The following OR51B5 variants were observed in gnomAD, a reference collection of about 807,000 sequenced individuals.
OR51B5 encodes olfactory receptor 51B5.
For synonymous variants in OR51B5, 186 were observed against 144.8 expected (o/e 1.28, Z -2.04); for missense variants, 456 against 374.6 (o/e 1.22, Z -1.79).
intron 1 of OR51B5, among the ~76,000 whole-genome samples, chr11:5,386,187 G>A (rs549072106): frequency 1.3e-5 from 2 of 152,154 alleles, no homozygotes; most frequent in African/African-American, 4.8e-5. Flanking sequence ...AATAAATATA[G>A]AAGAATAAAA....
intron 1 of OR51B5, among the ~76,000 whole-genome samples, chr11:5,472,970 A>G (rs145145737): frequency 6.8e-4 from 103 of 152,114 alleles, no homozygotes; most frequent in Admixed American, 1.2e-3. Flanking sequence ...ATTAGGAGAA[A>G]CTCCTCAGTT....
At chr11:5,371,938 T>C (rs1308635399) in intron 1 of OR51B5, among the ~76,000 whole-genome samples, 1 of 152,160 alleles carries the variant, frequency 6.6e-6, no homozygotes, top group Admixed American at 6.5e-5. Context: ...TTACACTGTT[T>C]CTATGCATTT....
chr11:5,350,704 C>T (rs954317118), intron 1 of OR51B5, among the ~76,000 whole-genome samples: 2 of 152,162 alleles, frequency 1.3e-5, no homozygotes, highest in African/African-American at 2.4e-5. Context: ...CCTTCAAAAG[C>T]TTATCATCAA....
upstream of OR51B5, among the ~76,000 whole-genome samples, chr11:5,345,551 C>A (rs1848977757): frequency 6.6e-6 from 1 of 152,104 alleles, no homozygotes. Flanking sequence ...GAGGGGGATA[C>A]ATATTCACTT....
chr11:5,368,808 C>CT (rs971240020), intron 1 of OR51B5, among the ~76,000 whole-genome samples: 1 of 152,104 alleles, frequency 6.6e-6, no homozygotes, highest in Non-Finnish European at 1.5e-5. Context: ...GATGGCTTTT[C>CT]TTTTTTTCCC....
chr11:5,475,644 A>G (rs1281664686), intron 1 of OR51B5, among the ~76,000 whole-genome samples: 1 of 152,216 alleles, frequency 6.6e-6, no homozygotes, highest in African/African-American at 2.4e-5. Context: ...TCTAACATAA[A>G]TGGAAAAGTA....
chr11:5,477,215 G>A (rs1360583085), intron 1 of OR51B5, among the ~76,000 whole-genome samples: 2 of 152,096 alleles, frequency 1.3e-5, no homozygotes, highest in African/African-American at 4.8e-5. Flanking sequence ...AGTCTCTTGG[G>A]GGCCCCATGA....
At chr11:5,467,624 T>G (rs990317987) in intron 1 of OR51B5, among the ~76,000 whole-genome samples, 2 of 152,232 alleles carry the variant, frequency 1.3e-5, no homozygotes, top group Non-Finnish European at 2.9e-5. Flanking sequence ...TTGGCATGGT[T>G]TTTCAGAGGA....
chr11:5,385,820 A>ACTT (rs1849683486), intron 1 of OR51B5, among the ~76,000 whole-genome samples: 1 of 149,052 alleles, frequency 6.7e-6, no homozygotes, highest in South Asian at 2.1e-4. Flanking sequence ...TATAAAGTAT[A>ACTT]TAAAGAATAT....
chr11:5,466,298 A>G (rs1851138019), intron 1 of OR51B5, among the ~76,000 whole-genome samples: 1 of 152,218 alleles, frequency 6.6e-6, no homozygotes, highest in African/African-American at 2.4e-5. Context: ...TAGTAAAACT[A>G]TATCTATATT....
chr11:5,389,567 A>G, intron 1 of OR51B5: 1 of 1,613,866 alleles, frequency 6.2e-7, no homozygotes, highest in Non-Finnish European at 8.5e-7. Flanking sequence ...CAATTGTTTC[A>G]TTCTGATCAT....
intron 1 of OR51B5, chr11:5,431,268 C>T (rs570957765): frequency 2.7e-4 from 84 of 316,536 alleles, no homozygotes; most frequent in African/African-American, 1.8e-3. Flanking sequence ...CCCCTGACTC[C>T]ATGCAGGAGA....
Position 5,481,016 on chromosome 11 carries a change from G to A in OR51B5, n.84+24553C>T, listed in dbSNP as rs1371113066. Among the ~76,000 whole-genome samples, 24 of 37,440 alleles carry A rather than the reference G, an allele frequency of 6.4e-4. 4 individuals are homozygous for A. Among genetic ancestry groups the A allele is most frequent in the African/African-American group, 1.3e-3 (21 of 15,966 alleles). The allele number at this position is 37,440 out of a possible 152,430, so 24.6% of individuals were successfully genotyped here. ...CTCCCTAACTCATTTTATGAGGCCA[G>A]CATCATTCTGATACCAAAGCCAGGC... On this transcript the variant is annotated intron_variant and non_coding_transcript_variant, in intron 1 of 4. Transcript: ENST00000415970.
At chr11:5,422,487 C>G (rs1850357384) in intron 1 of OR51B5, 3 of 1,614,208 alleles carry the variant, frequency 1.9e-6, no homozygotes, top group Middle Eastern at 1.6e-4. Context: ...AGAATCAGCT[C>G]TGAGGCCTGT....
At chr11:5,352,505 G>A (rs1849114211) in intron 1 of OR51B5, 3 of 1,065,314 alleles carry the variant, frequency 2.8e-6, no homozygotes, top group East Asian at 4.7e-5. Context: ...TGACAATGTT[G>A]CCAGCATAAG....
chr11:5,470,063 ATC>A (rs1851204416), intron 1 of OR51B5, among the ~76,000 whole-genome samples: 2 of 152,174 alleles, frequency 1.3e-5, no homozygotes, highest in Admixed American at 6.5e-5. Context: ...TTTTGTTTTA[ATC>A]TCTGTTTAGA....
At chr11:5,340,394 A>AAGTC (rs1379060432), downstream of OR51B5, 3 of 152,030 alleles carry the variant, frequency 2.0e-5, no homozygotes, top group Admixed American at 1.3e-4. Context: ...TTATAGTTTG[A>AAGTC]AGTCACTTGC....
chr11:5,364,711 C>T (rs1564922686), intron 1 of OR51B5, among the ~76,000 whole-genome samples: 1 of 152,276 alleles, frequency 6.6e-6, no homozygotes, highest in East Asian at 1.9e-4. Flanking sequence ...TTTGCCCATC[C>T]AGCATATGAC....
intron 1 of OR51B5, among the ~76,000 whole-genome samples, chr11:5,398,575 T>A (rs1849918165): frequency 6.6e-6 from 1 of 152,200 alleles, no homozygotes; most frequent in Non-Finnish European, 1.5e-5. Flanking sequence ...TGATCCCTGA[T>A]ATGGCTTGGC....
Sources: allele counts gnomAD v4.1 joint callset (sites outside exome capture counted in the v4.1 genomes callset), GRCh38; gene constraint gnomAD v4.1.1; transcripts MANE v1.5; gene names NCBI Gene and HGNC (gene_info 2026-07-23, HGNC 2026-07-21).